LOXHD1: variants seen among roughly 807,000 people sequenced by gnomAD.
LOXHD1 encodes the protein lipoxygenase homology domain-containing protein 1.
Under a neutral mutation model 248.2 loss-of-function variants are expected in LOXHD1, and 205 were observed. That is an observed-to-expected ratio of 0.83 (90% confidence interval 0.74 to 0.93). The LOEUF is 0.93. LOXHD1 is among the 40% of genes least tolerant of loss of function. The pLI is 0.00. For missense variants in LOXHD1, 2,930 were observed against 2,971.6 expected, an observed-to-expected ratio of 0.99 and a Z score of 0.33; for synonymous variants, 1,113 against 1,162.8, an observed-to-expected ratio of 0.96 and a Z score of 0.87.
chr18:46,542,296 C>T (rs958314849), intron 24 of LOXHD1, among the ~76,000 whole-genome samples: 32 of 152,184 alleles, frequency 2.1e-4, no homozygotes, highest in African/African-American at 7.5e-4. Context: ...CCAGGAAGAG[C>T]CTGTGTTTAC....
chr18:46,529,072 C>T, intron 29 of LOXHD1, 105 bp downstream of exon 29: 1 of 1,376,764 alleles, frequency 7.3e-7, no homozygotes. Flanking sequence ...GTGCACAATG[C>T]CCCATGGAGT....
chr18:46,574,928 C>A (rs1025281346), intron 14 of LOXHD1, among the ~76,000 whole-genome samples: 1 of 152,230 alleles, frequency 6.6e-6, no homozygotes, highest in Admixed American at 6.5e-5. Flanking sequence ...ACTTCTTCCT[C>A]TTCCCCTTTC....
At chr18:46,498,810 G>A (rs1292118935) in intron 37 of LOXHD1, among the ~76,000 whole-genome samples, 2 of 152,136 alleles carry the variant, frequency 1.3e-5, no homozygotes, top group African/African-American at 4.8e-5. Context: ...ACATTCTGAG[G>A]TTCTTGGTGA....
intron 3 of LOXHD1, 128 bp from the exon 4 acceptor site, chr18:46,639,928 C>G (rs755333622): frequency 2.6e-5 from 31 of 1,177,636 alleles, no homozygotes; most frequent in Non-Finnish European, 3.5e-5. Context: ...TACTTTATCT[C>G]CTGAACCTCG....
chr18:46,533,432 C>T, intron 27 of LOXHD1, 108 bp from the exon 28 acceptor site: 1 of 1,284,036 alleles, frequency 7.8e-7, no homozygotes, highest in Non-Finnish European at 1.1e-6. Flanking sequence ...ATCATGGGGC[C>T]CCATAAATAA....
intron 28 of LOXHD1, among the ~76,000 whole-genome samples, chr18:46,532,621 A>G (rs1347242081): frequency 6.6e-6 from 1 of 152,210 alleles, no homozygotes. Flanking sequence ...AGAAAACCAC[A>G]TTGATGAAGA....
At chr18:46,485,898 C>T (rs1187176540) in intron 38 of LOXHD1, among the ~76,000 whole-genome samples, 1 of 152,028 alleles carries the variant, frequency 6.6e-6, no homozygotes, top group Non-Finnish European at 1.5e-5. Context: ...TAGCTGCACC[C>T]AGAGCACTTA....
chr18:46,512,064 C>T (rs1005860385), intron 34 of LOXHD1, among the ~76,000 whole-genome samples: 22 of 152,194 alleles, frequency 1.4e-4, no homozygotes, highest in Admixed American at 2.6e-4. Context: ...ATAGTTTAAA[C>T]GATAATAGCC....
At chr18:46,497,551 T>C (rs1262846237) in intron 37 of LOXHD1, among the ~76,000 whole-genome samples, 1 of 152,112 alleles carries the variant, frequency 6.6e-6, no homozygotes, top group Non-Finnish European at 1.5e-5. Flanking sequence ...AAAAAACCAC[T>C]AAGGCACAAG....
chr18:46,640,755 T>G (rs2038952788), intron 3 of LOXHD1, among the ~76,000 whole-genome samples: 1 of 152,226 alleles, frequency 6.6e-6, no homozygotes, highest in African/African-American at 2.4e-5. Context: ...GCTACTGCAC[T>G]GGGCAGTATA....
At chr18:46,639,239 G>A (rs1054022491) in intron 4 of LOXHD1, among the ~76,000 whole-genome samples, 1 of 152,092 alleles carries the variant, frequency 6.6e-6, no homozygotes, top group Non-Finnish European at 1.5e-5. Flanking sequence ...ACCTGCCTTG[G>A]GCATCGTAAG....
intron 38 of LOXHD1, 82 bp downstream of exon 38, chr18:46,488,890 C>T: frequency 6.9e-7 from 1 of 1,443,844 alleles, no homozygotes; most frequent in South Asian, 1.3e-5. Context: ...TGGCACCTGA[C>T]CCCCCTCCAG....
At chr18:46,553,527 A>G (rs570362451) in intron 21 of LOXHD1, among the ~76,000 whole-genome samples, 1 of 152,356 alleles carries the variant, frequency 6.6e-6, no homozygotes, top group Non-Finnish European at 1.5e-5. Context: ...TGTCAAATTA[A>G]TGAATAAATC....
In LOXHD1 at chr18:46,569,638, T is replaced by A; in HGVS notation, c.2048A>T (p.Asn683Ile). 1.3e-6 allele frequency: 2 copies of A among 1,550,134 alleles called. No homozygotes were observed. The highest frequency in any genetic ancestry group is 4.9e-5 in the East Asian group (2 of 40,878). Residue 683 changes from asparagine to isoleucine, a missense_variant and splice_region_variant, in exon 16 of 41, where the codon AAC becomes ATC. Coordinates refer to ENST00000642948, the MANE Select transcript of LOXHD1 (RefSeq NM_001384474.1). ...CTTCAAGCTGATGTGATAGCGAAAG[T>A]CTGAACAGCCCAAGGCAGAGGGAGG... ...LPSDSSATLK[N>I]FRYHISLKTG... is the part of the protein sequence containing the mutation.
intron 22 of LOXHD1, 130 bp downstream of exon 22, chr18:46,546,765 A>C (rs2036858599): frequency 1.3e-5 from 13 of 1,037,580 alleles, no homozygotes; most frequent in Non-Finnish European, 1.8e-5. Flanking sequence ...ATGAGAGGGC[A>C]ATACAATAGA....
chr18:46,543,416 TA>T (rs1052252580), intron 23 of LOXHD1, among the ~76,000 whole-genome samples: 15 of 152,268 alleles, frequency 9.9e-5, no homozygotes, highest in African/African-American at 1.4e-4. Flanking sequence ...TTTTATCTTT[TA>T]AAAAAAATTT....
Position 46,657,152 on chromosome 18 carries a change from T to C in LOXHD1, c.-119A>G. The C allele has an allele frequency of 6.7e-7, 1 of 1,493,956 alleles. No individual in the cohort carries two copies. Among genetic ancestry groups the C allele is most frequent in the Non-Finnish European group, 9.0e-7 (1 of 1,113,006 alleles). 92.5% of individuals were successfully genotyped at this position (1,493,956 alleles called of 1,614,324 possible). On this transcript the variant is annotated 5_prime_UTR_variant, in exon 1 of 41. Coordinates refer to ENST00000642948, the MANE Select transcript of LOXHD1 (RefSeq NM_001384474.1). The stretch of plus-strand genomic sequence containing the variant: ...CCACGGCCCTCCTATAGCTCAGGCC[T>C]GGGTGGGCCAGAGTGCCCCGTTTTC...
intron 25 of LOXHD1, among the ~76,000 whole-genome samples, chr18:46,539,250 C>G (rs2036452993): frequency 1.3e-5 from 2 of 152,178 alleles, no homozygotes; most frequent in South Asian, 4.1e-4. Flanking sequence ...CACTAGAGGT[C>G]AGGAGTTCAA....
At chr18:46,620,300 C>T (rs2038650202) in intron 4 of LOXHD1, among the ~76,000 whole-genome samples, 1 of 152,192 alleles carries the variant, frequency 6.6e-6, no homozygotes, top group Non-Finnish European at 1.5e-5. Flanking sequence ...AGGCAAGACC[C>T]CTCTTCAGGG....
Sources: gnomAD v4.1 joint callset for allele counts (sites outside exome capture counted in the v4.1 genomes callset) on GRCh38, gnomAD v4.1.1 for gene constraint, MANE v1.5 for transcripts, NCBI Gene and HGNC (gene_info 2026-07-23, HGNC 2026-07-21) for gene names.